Variants in ZNF280D observed in about 807,000 individuals in gnomAD.
The protein encoded by ZNF280D is zinc finger protein 280D.
In ZNF280D, 39 loss-of-function variants were observed where a neutral mutation model predicts 94.7. The ratio of observed to expected loss-of-function variants is 0.41; its 90% CI spans 0.32 to 0.54. The LOEUF (loss-of-function observed/expected upper bound fraction) is 0.54. ZNF280D is among the 20% of genes least tolerant of loss of function. The pLI is 0.22. For missense variants in ZNF280D, 1,090 were observed against 1,149.3 expected, an observed-to-expected ratio of 0.95 and a Z score of 0.75; for synonymous variants, 398 against 377.6, an observed-to-expected ratio of 1.05 and a Z score of -0.63.
chr15:56,731,871 C>G, intron 1 of ZNF280D, among the ~76,000 whole-genome samples: 1 of 152,124 alleles, frequency 6.6e-6, no homozygotes, highest in South Asian at 2.1e-4. Flanking sequence ...AAGAAATTAA[C>G]TCGAGAATAA....
At chr15:56,726,568 T>C (rs1487113578) in intron 1 of ZNF280D, among the ~76,000 whole-genome samples, 1 of 152,170 alleles carries the variant, frequency 6.6e-6, no homozygotes, top group Non-Finnish European at 1.5e-5. Flanking sequence ...CATCTTGAAA[T>C]ATTTTGCTAA....
Position 56,693,204 on chromosome 15 carries a change from T to C in ZNF280D, c.393A>G (p.Thr131=). 6.3e-7 allele frequency: 1 copy of C among 1,579,286 alleles called. No homozygotes were observed. The highest frequency in any genetic ancestry group is 8.6e-7 in the Non-Finnish European group (1 of 1,160,922). ...VQPFSKPGYI[T]NSSRVVSNKS... is the part of the protein sequence containing the mutation. ...TATTAGACACAACTCGTGATGAGTT[T>C]GTTATATAACCCTGTTAAATAGTTC... Residue 131 remains threonine, a synonymous_variant, in exon 7 of 22, where the codon ACA becomes ACG. Transcript: ENST00000267807.
Position 56,682,235 on chromosome 15 carries a change from A to C in ZNF280D, c.1004+19T>G. On this transcript the variant is annotated intron_variant, in intron 10 of 21. Transcript: ENST00000267807. ...AGCATTTCAATTTTCAATAGAAATA[A>C]AAACAAGTATTTACATACCTAATGT... The C allele has an allele frequency of 6.7e-7, 1 of 1,483,324 alleles. No individual in the cohort carries two copies. Among genetic ancestry groups the C allele is most frequent in the Non-Finnish European group, 9.1e-7 (1 of 1,096,014 alleles). 91.9% of individuals were successfully genotyped at this position (1,483,324 alleles called of 1,614,324 possible). A position where few individuals can be genotyped will look rare whatever the true frequency, so the allele number is the denominator to read the frequency against.
intron 1 of ZNF280D, among the ~76,000 whole-genome samples, chr15:56,725,433 G>C (rs1181563903): frequency 1.3e-5 from 2 of 152,080 alleles, no homozygotes; most frequent in African/African-American, 2.4e-5. Context: ...TACAAAAAAA[G>C]TGTATTTCTC....
intron 1 of ZNF280D, among the ~76,000 whole-genome samples, chr15:56,722,168 G>A (rs1348642835): frequency 5.9e-5 from 9 of 152,194 alleles, no homozygotes; most frequent in African/African-American, 2.2e-4. Flanking sequence ...TTTTACATGA[G>A]TGCAGTTTGC....
chr15:56,650,466 ACT>A (rs1458060238), intron 19 of ZNF280D, among the ~76,000 whole-genome samples: 5 of 152,016 alleles, frequency 3.3e-5, no homozygotes, highest in African/African-American at 1.2e-4. Flanking sequence ...GGGTCCTTTA[ACT>A]CTAATATTTT....
At chr15:56,653,515 A>AC in intron 19 of ZNF280D, 12 of 1,519,866 alleles carry the variant, frequency 7.9e-6, no homozygotes, top group Non-Finnish European at 1.1e-5. Flanking sequence ...GAAAGAGAGA[A>AC]CAGGCATCAG....
chr15:56,717,980 A>G (rs1296744647), intron 1 of ZNF280D, among the ~76,000 whole-genome samples: 1 of 152,218 alleles, frequency 6.6e-6, no homozygotes, highest in African/African-American at 2.4e-5. Flanking sequence ...TGAAAAATTT[A>G]AACATTATGT....
At chr15:56,730,220 T>C (rs2058821468) in intron 1 of ZNF280D, 1 of 152,138 alleles carries the variant, frequency 6.6e-6, no homozygotes, top group South Asian at 2.1e-4. Context: ...ACTGATTAAA[T>C]CAAGTCATTA....
At chr15:56,720,578 T>C (rs898003224) in intron 1 of ZNF280D, among the ~76,000 whole-genome samples, 3 of 152,198 alleles carry the variant, frequency 2.0e-5, no homozygotes, top group Non-Finnish European at 1.5e-5. Context: ...CAATTCACTT[T>C]ACCCAGATCC....
chr15:56,693,546 T>C (rs547072119), intron 6 of ZNF280D, among the ~76,000 whole-genome samples: 24 of 152,028 alleles, frequency 1.6e-4, no homozygotes, highest in African/African-American at 5.5e-4. Context: ...AAAAGAAACA[T>C]AAATCAACTT....
At chr15:56,684,762 G>C (rs150345945) in intron 9 of ZNF280D, among the ~76,000 whole-genome samples, 2 of 152,042 alleles carry the variant, frequency 1.3e-5, no homozygotes, top group African/African-American at 4.8e-5. Context: ...ACATATGTCA[G>C]GGAAAGAAGA....
chr15:56,635,138 T>C, intron 21 of ZNF280D, 57 bp downstream of exon 21: 1 of 1,084,990 alleles, frequency 9.2e-7, no homozygotes, highest in Non-Finnish European at 1.3e-6. Context: ...ATAATGCAGC[T>C]CAAGTGTTAT....
At chr15:56,692,675 G>A (rs868321877) in intron 7 of ZNF280D, among the ~76,000 whole-genome samples, 4 of 151,932 alleles carry the variant, frequency 2.6e-5, no homozygotes, top group East Asian at 1.9e-4. Flanking sequence ...GAACTATCAC[G>A]CTGAAACAAT....
chr15:56,644,223 T>C (rs557990273), intron 19 of ZNF280D, among the ~76,000 whole-genome samples: 3 of 152,000 alleles, frequency 2.0e-5, no homozygotes, highest in Admixed American at 6.5e-5. Context: ...GCAGAAAAAA[T>C]TGACAAAAGA....
intron 20 of ZNF280D, chr15:56,635,804 G>C (rs1366153762): frequency 6.6e-6 from 1 of 152,184 alleles, no homozygotes; most frequent in African/African-American, 2.4e-5. Flanking sequence ...TAAAACCTCA[G>C]TAAGCCATAG....
At chr15:56,642,366 C>T (rs1173739332) in intron 20 of ZNF280D, among the ~76,000 whole-genome samples, 1 of 151,664 alleles carries the variant, frequency 6.6e-6, no homozygotes, top group Non-Finnish European at 1.5e-5. Flanking sequence ...CACTTCATTA[C>T]ACTCAAAAAG....
intron 3 of ZNF280D, among the ~76,000 whole-genome samples, chr15:56,705,491 T>A (rs1393124667): frequency 1.3e-5 from 2 of 152,172 alleles, no homozygotes; most frequent in African/African-American, 4.8e-5. Context: ...ATCATATGAC[T>A]CTAGAGAAGT....
chr15:56,702,888 T>C (rs1161672970), intron 4 of ZNF280D, among the ~76,000 whole-genome samples: 1 of 147,932 alleles, frequency 6.8e-6, no homozygotes, highest in Non-Finnish European at 1.5e-5. Context: ...AATCACACTT[T>C]TAAGCACTAC....
Sources: allele counts gnomAD v4.1 joint callset (sites outside exome capture counted in the v4.1 genomes callset), GRCh38; gene constraint gnomAD v4.1.1; transcripts MANE v1.5; gene names NCBI Gene and HGNC (gene_info 2026-07-23, HGNC 2026-07-21).